Variants in TBCE observed in about 807,000 individuals in gnomAD.
TBCE encodes tubulin folding cofactor E, also known as tubulin-specific chaperone E.
Under a neutral mutation model 77.0 loss-of-function variants are expected in TBCE, and 53 were observed. That is an observed-to-expected ratio of 0.69 (90% CI 0.55 to 0.87). The LOEUF is 0.87. Among genes scored for constraint, TBCE ranks in the 40% least tolerant of loss-of-function variants. The pLI, the probability that TBCE is intolerant of heterozygous loss-of-function variation, is 0.00. For synonymous variants in TBCE, 235 were observed against 241.3 expected, an observed-to-expected ratio of 0.97 and a Z score of 0.24; for missense variants, 624 against 622.4, an observed-to-expected ratio of 1.00 and a Z score of -0.03.
In TBCE at chr1:235,449,294, A is replaced by ATT. The variant is rs1398422066; in HGVS notation, c.*533_*534dup. The ATT allele has an allele frequency of 6.1e-6, 1 of 164,470 alleles. No individual in the cohort carries two copies. Among genetic ancestry groups the ATT allele is most frequent in the Non-Finnish European group, 1.3e-5 (1 of 75,348 alleles). 10.2% of individuals were successfully genotyped at this position (164,470 alleles called of 1,614,324 possible). On this transcript the variant is annotated 3_prime_UTR_variant, in exon 17 of 17. Coordinates refer to ENST00000642610, the MANE Select transcript of TBCE (RefSeq NM_003193.5). ...AATTAATCACATGCTTTTCCCTACA[A>ATT]TTATACCTAAGCTGAGTATATCTTC... is the stretch of plus-strand genomic sequence containing the variant.
chr1:235,448,935 A>C lies in TBCE; in HGVS notation c.*173A>C. On this transcript the variant is annotated 3_prime_UTR_variant, in exon 17 of 17. Transcript: ENST00000642610. ...GAAGTGACCATTTCTAGGCTTATACATAATAGCAATAATAAAGGCTTTGAA... is the reference window on the plus strand; with the variant it reads ...GAAGTGACCATTTCTAGGCTTATACCTAATAGCAATAATAAAGGCTTTGAA... 1.7e-6 allele frequency: 1 copy of C among 575,976 alleles called. No individual in the cohort carries two copies. 35.7% of individuals were successfully genotyped at this position (575,976 alleles called of 1,614,324 possible).
intron 2 of TBCE, among the ~76,000 whole-genome samples, chr1:235,392,873 C>G (rs1405750406): frequency 6.6e-6 from 1 of 151,792 alleles, no homozygotes; most frequent in Non-Finnish European, 1.5e-5. Context: ...AATTATTTGC[C>G]AGGCATGGTG....
chr1:235,393,686 A>T (rs1314487708), intron 2 of TBCE, among the ~76,000 whole-genome samples: 4 of 152,160 alleles, frequency 2.6e-5, no homozygotes, highest in African/African-American at 7.2e-5. Flanking sequence ...GTAGTCTGGT[A>T]GCAAATCTCT....
intron 2 of TBCE, among the ~76,000 whole-genome samples, chr1:235,398,920 T>C (rs1456066447): frequency 4.0e-5 from 6 of 148,788 alleles, no homozygotes; most frequent in African/African-American, 1.5e-4. Context: ...GCTGGGATCA[T>C]GGGCGTGAGC....
At chr1:235,395,005 A>G (rs952950895) in intron 2 of TBCE, among the ~76,000 whole-genome samples, 4 of 152,176 alleles carry the variant, frequency 2.6e-5, no homozygotes, top group Admixed American at 6.5e-5. Flanking sequence ...GTTCCAGGCC[A>G]GCTTATATAT....
chr1:235,370,252 C>CTT (rs534933199), intron 1 of TBCE, among the ~76,000 whole-genome samples: 14,440 of 132,786 alleles, frequency 0.11, 1,796 homozygotes, highest in African/African-American at 0.3. Flanking sequence ...CTGCTGTATT[C>CTT]TTTTTTTTTT....
At chr1:235,444,376 CAA>C (rs1279280120) in intron 15 of TBCE, among the ~76,000 whole-genome samples, 1 of 152,142 alleles carries the variant, frequency 6.6e-6, no homozygotes, top group Admixed American at 6.6e-5. Flanking sequence ...ACAGACTAGT[CAA>C]AGAGGGCCAG....
chr1:235,397,765 G>T (rs1303212632), intron 2 of TBCE, among the ~76,000 whole-genome samples: 1 of 152,160 alleles, frequency 6.6e-6, no homozygotes, highest in Admixed American at 6.6e-5. Flanking sequence ...TTTTCAAATT[G>T]AGGCTATCAG....
At chr1:235,374,240 G>A (rs1229304233) in intron 1 of TBCE, among the ~76,000 whole-genome samples, 1 of 146,152 alleles carries the variant, frequency 6.8e-6, no homozygotes, top group African/African-American at 2.6e-5. Context: ...ACAGGCGTGA[G>A]CCACTTTGCC....
chr1:235,405,076 C>T (rs1356954553), intron 3 of TBCE, among the ~76,000 whole-genome samples: 1 of 151,684 alleles, frequency 6.6e-6, no homozygotes, highest in Non-Finnish European at 1.5e-5. Flanking sequence ...GATTCTCCTG[C>T]CTCAGTCTTC....
At chr1:235,386,081 A>C (rs1432685473) in intron 2 of TBCE, among the ~76,000 whole-genome samples, 2 of 152,158 alleles carry the variant, frequency 1.3e-5, no homozygotes, top group East Asian at 3.8e-4. Flanking sequence ...TATGAAGCTT[A>C]GTTTGGCTGG....
At position 235,383,540 on chromosome 1, in the gene TBCE, T is replaced by C. The variant is rs1677814422; in HGVS notation, c.100+3391T>C. ...TTGAAGAGGTCCTTCATGTCCCTTG[T>C]AAGTTGGATTCCTAGGTATTTTATT... On this transcript the variant is annotated intron_variant, in intron 2 of 16. Coordinates refer to ENST00000642610, the MANE Select transcript of TBCE (RefSeq NM_003193.5). 2.0e-5 allele frequency among the ~76,000 whole-genome samples: 3 copies of C among 152,264 alleles called. No individual in the cohort carries two copies. In the South Asian group the frequency reaches 6.2e-4, roughly 32 times the overall value.
chr1:235,407,252 T>C (rs1679495359), intron 3 of TBCE, among the ~76,000 whole-genome samples: 1 of 151,290 alleles, frequency 6.6e-6, no homozygotes, highest in Non-Finnish European at 1.5e-5. Flanking sequence ...TCCCACCTCA[T>C]TTTTTGATTT....
intron 2 of TBCE, among the ~76,000 whole-genome samples, chr1:235,381,032 G>A (rs1460401444): frequency 2.0e-5 from 3 of 151,946 alleles, no homozygotes; most frequent in Non-Finnish European, 2.9e-5. Flanking sequence ...TGCCTGCCTC[G>A]GCCTCCCAAA....
intron 3 of TBCE, among the ~76,000 whole-genome samples, chr1:235,412,740 CTG>C (rs1285426688): frequency 6.6e-6 from 1 of 152,208 alleles, no homozygotes; most frequent in Non-Finnish European, 1.5e-5. Context: ...TTAGAGAAAA[CTG>C]TACGTATGTT....
chr1:235,397,089 C>T (rs981195167), intron 2 of TBCE, among the ~76,000 whole-genome samples: 24 of 151,952 alleles, frequency 1.6e-4, no homozygotes, highest in Non-Finnish European at 3.1e-4. Flanking sequence ...ATTCTTTTGC[C>T]TTAGCCTTCC....
intron 10 of TBCE, 31 bp from the exon 11 acceptor site, chr1:235,436,513 C>G (rs758742036): frequency 3.2e-5 from 51 of 1,611,952 alleles, no homozygotes; most frequent in Non-Finnish European, 3.5e-5. Context: ...ACTTTCACTT[C>G]TACTGTGTAA....
At chr1:235,431,541 A>T (rs1480428090) in intron 7 of TBCE, among the ~76,000 whole-genome samples, 1 of 151,344 alleles carries the variant, frequency 6.6e-6, no homozygotes, top group East Asian at 1.9e-4. Context: ...TTGCATTTTT[A>T]GTAGAGACAT....
intron 6 of TBCE, chr1:235,429,002 T>G (rs1328034987): frequency 2.1e-5 from 3 of 143,496 alleles, no homozygotes; most frequent in African/African-American, 7.8e-5. Context: ...TTTTTTTTTT[T>G]TTTGAGACAG....
Sources: allele counts gnomAD v4.1 joint callset (sites outside exome capture counted in the v4.1 genomes callset), GRCh38; gene constraint gnomAD v4.1.1; transcripts MANE v1.5; gene names NCBI Gene and HGNC (gene_info 2026-07-23, HGNC 2026-07-21).